Variants in TMEM45A observed in about 807,000 individuals in gnomAD.
The protein encoded by TMEM45A is transmembrane protein 45A.
Under a neutral mutation model 32.0 loss-of-function variants are expected in TMEM45A, and 25 were observed. The ratio of observed to expected loss-of-function variants is 0.78; its 90% CI spans 0.57 to 1.09. The LOEUF (loss-of-function observed/expected upper bound fraction) is 1.09, where lower values mean the gene tolerates loss of function less well. Among genes scored for constraint, TMEM45A ranks in the 50% least tolerant of loss-of-function variants. TMEM45A has a pLI of 0.00. For synonymous variants in TMEM45A, 122 were observed against 114.8 expected (o/e 1.06, Z -0.40); for missense variants, 302 against 325.0 (o/e 0.93, Z 0.54).
At chr3:100,533,949 T>C (rs1705696320) in intron 1 of TMEM45A, among the ~76,000 whole-genome samples, 1 of 152,160 alleles carries the variant, frequency 6.6e-6, no homozygotes, top group African/African-American at 2.4e-5. Context: ...AAATGACGCC[T>C]GGGTCCACTC....
At chr3:100,519,197 T>G in intron 1 of TMEM45A, 1 of 215,016 alleles carries the variant, frequency 4.7e-6, no homozygotes, top group Non-Finnish European at 9.3e-6. Flanking sequence ...GCTGTTGCAA[T>G]GTGTATGCTG....
intron 4 of TMEM45A, among the ~76,000 whole-genome samples, chr3:100,567,722 A>G (rs958565292): frequency 1.3e-5 from 2 of 152,048 alleles, no homozygotes; most frequent in South Asian, 4.1e-4. Flanking sequence ...AACCTCCTTG[A>G]TTAAATTTAT....
intron 1 of TMEM45A, among the ~76,000 whole-genome samples, chr3:100,549,857 T>C (rs532295684): frequency 1.3e-5 from 2 of 151,974 alleles, no homozygotes; most frequent in Non-Finnish European, 2.9e-5. Context: ...CTGAGAATGA[T>C]GGTTTCCAGT....
At chr3:100,539,871 G>C (rs1705830053) in intron 1 of TMEM45A, among the ~76,000 whole-genome samples, 1 of 148,790 alleles carries the variant, frequency 6.7e-6, no homozygotes, top group Non-Finnish European at 1.5e-5. Context: ...TCTTAGCCCA[G>C]TCAAATTGAC....
At chr3:100,532,553 A>T (rs752936546) in intron 1 of TMEM45A, among the ~76,000 whole-genome samples, 7 of 152,228 alleles carry the variant, frequency 4.6e-5, no homozygotes, top group Non-Finnish European at 1.0e-4. Flanking sequence ...TCTTTATGCC[A>T]TGATCGTTTT....
intron 1 of TMEM45A, among the ~76,000 whole-genome samples, chr3:100,537,172 C>T (rs1231654145): frequency 6.6e-6 from 1 of 152,114 alleles, no homozygotes; most frequent in Non-Finnish European, 1.5e-5. Flanking sequence ...ATCCGTCCAG[C>T]TTGGCCTCCC....
At chr3:100,520,383 A>T (rs1705411374) in intron 1 of TMEM45A, among the ~76,000 whole-genome samples, 1 of 152,154 alleles carries the variant, frequency 6.6e-6, no homozygotes, top group African/African-American at 2.4e-5. Context: ...TGGTCCATGA[A>T]AAAAATAATT....
chr3:100,515,350 T>C (rs1022756276), intron 1 of TMEM45A, among the ~76,000 whole-genome samples: 1 of 151,084 alleles, frequency 6.6e-6, no homozygotes, highest in Non-Finnish European at 1.5e-5. Flanking sequence ...AAATTGGAAA[T>C]CATCATTCTC....
rs573148556 is a variant in TMEM45A, at chr3:100,539,652, G to A, written c.-3-15557G>A. ...AGGACCAGGAGCTCCTATGTCCAAGGGCAGGAGAAGACGGATGCCTCAGCT... is the reference window on the plus strand; with the variant it reads ...AGGACCAGGAGCTCCTATGTCCAAGAGCAGGAGAAGACGGATGCCTCAGCT... On this transcript the variant is annotated intron_variant, in intron 1 of 5. Transcript: ENST00000323523. Among the ~76,000 whole-genome samples, 4 of 152,110 alleles carry A rather than the reference G, an allele frequency of 2.6e-5. No homozygotes were observed. In the East Asian group the frequency reaches 7.7e-4, roughly 29 times the overall value.
In TMEM45A at chr3:100,577,094, T is replaced by G; in HGVS notation, c.*76T>G. The stretch of plus-strand genomic sequence containing the variant: ...TTCTTGGTTTTGTTTCTCGATCTTT[T>G]GTTTGGAGAACAGCTGGCTAAGGAT... On this transcript the variant is annotated 3_prime_UTR_variant, in exon 6 of 6. Coordinates refer to ENST00000323523, the MANE Select transcript of TMEM45A (RefSeq NM_018004.3). 7.9e-7 allele frequency: 1 copy of G among 1,262,732 alleles called. No individual in the cohort carries two copies. The highest frequency in any genetic ancestry group is 1.3e-5 in the South Asian group (1 of 77,608). 78.2% of individuals were successfully genotyped at this position (1,262,732 alleles called of 1,614,324 possible). A position where few individuals can be genotyped will look rare whatever the true frequency, so the allele number is the denominator to read the frequency against.
At chr3:100,535,411 G>T (rs755902406) in intron 1 of TMEM45A, among the ~76,000 whole-genome samples, 4 of 152,060 alleles carry the variant, frequency 2.6e-5, no homozygotes, top group Non-Finnish European at 5.9e-5. Flanking sequence ...CCAAGAGACC[G>T]AGAGACCAGA....
intron 1 of TMEM45A, among the ~76,000 whole-genome samples, chr3:100,517,287 T>C (rs1277458101): frequency 1.3e-5 from 2 of 152,178 alleles, no homozygotes; most frequent in Non-Finnish European, 2.9e-5. Context: ...CGATTAATTT[T>C]TTGTATTTTT....
At chr3:100,566,840 TTTG>T (rs952853662) in intron 4 of TMEM45A, among the ~76,000 whole-genome samples, 6 of 152,138 alleles carry the variant, frequency 3.9e-5, no homozygotes, top group African/African-American at 1.2e-4. Flanking sequence ...ATTAAAATTT[TTTG>T]TTGTTGTTAA....
At chr3:100,565,970 C>T (rs148771782) in intron 4 of TMEM45A, among the ~76,000 whole-genome samples, 15 of 152,286 alleles carry the variant, frequency 9.8e-5, no homozygotes, top group African/African-American at 3.6e-4. Context: ...GGTCTGCTTT[C>T]TGTCTCTATG....
chr3:100,568,695 T>TAGTA (rs1706493804), intron 4 of TMEM45A, 127 bp from the exon 5 acceptor site: 5 of 803,150 alleles, frequency 6.2e-6, no homozygotes, highest in Non-Finnish European at 7.7e-6. Flanking sequence ...CCTGATGTTT[T>TAGTA]ATCTGTTACA....
rs1706230001 is a variant in TMEM45A, at chr3:100,556,762, A to G, written c.193A>G (p.Met65Val). 2 of 1,612,048 alleles carry G rather than the reference A, an allele frequency of 1.2e-6. No homozygotes were observed. Among genetic ancestry groups the G allele is most frequent in the Non-Finnish European group, 1.7e-6 (2 of 1,179,004 alleles). The change falls in exon 3 of 6, where the codon ATG becomes GTG. Residue 65 changes from methionine (M) to valine (V), a missense_variant and splice_region_variant. Physicochemically the swap from Met to Val is conservative, Grantham distance 21. Transcript: ENST00000323523. ...ITIVGMALTG[M>V]AGEQFIPGGP... ...AACTGTGATATGTTTCTTGGCAGGC[A>G]TGGCTGGGGAGCAGTTTATTCCTGG...
intron 1 of TMEM45A, among the ~76,000 whole-genome samples, chr3:100,528,394 T>A (rs1705587429): frequency 6.6e-6 from 1 of 152,210 alleles, no homozygotes; most frequent in South Asian, 2.1e-4. Context: ...TTCATTTTCA[T>A]TTACTTTGAG....
intron 1 of TMEM45A, among the ~76,000 whole-genome samples, chr3:100,500,155 C>A (rs773780104): frequency 6.6e-6 from 1 of 152,102 alleles, no homozygotes; most frequent in African/African-American, 2.4e-5. Context: ...TTTTTCTAGA[C>A]CTTCTCCAAG....
At chr3:100,567,988 T>C (rs1303933596) in intron 4 of TMEM45A, among the ~76,000 whole-genome samples, 1 of 152,134 alleles carries the variant, frequency 6.6e-6, no homozygotes, top group Non-Finnish European at 1.5e-5. Flanking sequence ...GGTTTCACCG[T>C]GTTAGCCAGG....
Sources: allele counts gnomAD v4.1 joint callset (sites outside exome capture counted in the v4.1 genomes callset), GRCh38; gene constraint gnomAD v4.1.1; transcripts MANE v1.5; gene names NCBI Gene and HGNC (gene_info 2026-07-23, HGNC 2026-07-21).